Variants in CLSTN3 observed in about 807,000 individuals in gnomAD.
CLSTN3 encodes calsyntenin-3.
CLSTN3 carries 36 observed loss-of-function variants against 95.9 expected under a neutral mutation model. That is an observed-to-expected ratio of 0.38 (90% CI 0.29 to 0.50). The LOEUF is 0.50. CLSTN3 is among the 20% of genes least tolerant of loss of function. CLSTN3 has a pLI of 0.95. For missense variants in CLSTN3, 1,084 were observed against 1,268.8 expected (o/e 0.85, Z 2.21); for synonymous variants, 481 against 504.0 (o/e 0.95, Z 0.61).
chr12:7,140,139 C>T (rs1292861491), intron 8 of CLSTN3, among the ~76,000 whole-genome samples: 1 of 152,140 alleles, frequency 6.6e-6, no homozygotes, highest in Non-Finnish European at 1.5e-5. Context: ...CTGGGATCAA[C>T]AGCACCTGCT....
chr12:7,143,443 G>GTCTCCATTT, intron 12 of CLSTN3, 132 bp downstream of exon 12: 1 of 981,226 alleles, frequency 1.0e-6, no homozygotes, highest in Non-Finnish European at 1.5e-6. Context: ...GCCCTCAAAT[G>GTCTCCATTT]GAGACAATTG....
chr12:7,150,742 G>C lies in CLSTN3; in HGVS notation c.2391+53G>C. ...AGTTACCCACCCCCAGAAAGGAGCT[G>C]AGGTGGCATGGACTCAAAATGTTAG... is the stretch of plus-strand genomic sequence containing the variant. On this transcript the variant is annotated intron_variant, in intron 15 of 17. Coordinates refer to ENST00000266546, the MANE Select transcript of CLSTN3 (RefSeq NM_014718.4). The surrounding 1 kb of genome is among the most constrained non-coding windows in gnomAD (Gnocchi z 4.0). 4 of 1,597,312 alleles carry C rather than the reference G, an allele frequency of 2.5e-6. No homozygotes were observed. The highest frequency in any genetic ancestry group is 2.6e-6 in the Non-Finnish European group (3 of 1,167,062).
In CLSTN3 at chr12:7,137,049, C is replaced by T. The variant is rs761139498; in HGVS notation, c.1149C>T (p.Gly383=). ...HFTLSFWMKH[G]VTPNKGKKEE... is the part of the protein sequence containing the mutation. ...CCCTGTCCTTCTGGATGAAGCATGG[C>T]GTAACTCCCAACAAGGGCAAGAAGG... Residue 383 remains glycine (G), a synonymous_variant, in exon 7 of 18, where the codon GGC becomes GGT. Coordinates refer to ENST00000266546, the MANE Select transcript of CLSTN3 (RefSeq NM_014718.4). The surrounding 1 kb of genome is among the most constrained non-coding windows in gnomAD (Gnocchi z 4.4). 9.3e-6 allele frequency: 15 copies of T among 1,613,996 alleles called. No individual in the cohort carries two copies. The highest frequency in any genetic ancestry group is 2.7e-5 in the African/African-American group (2 of 74,928).
chr12:7,154,248 T>C (rs1035005208), intron 16 of CLSTN3, among the ~76,000 whole-genome samples: 2 of 152,188 alleles, frequency 1.3e-5, no homozygotes, highest in Non-Finnish European at 2.9e-5. Context: ...GGTTTCACAA[T>C]ATCAAACCAT....
At chr12:7,148,323 C>T (rs943912393) in intron 12 of CLSTN3, among the ~76,000 whole-genome samples, 1 of 152,186 alleles carries the variant, frequency 6.6e-6, no homozygotes, top group African/African-American at 2.4e-5. Context: ...TGCTGAGCAG[C>T]TGTGCTGTTG....
intron 3 of CLSTN3, 131 bp from the exon 4 acceptor site, chr12:7,135,196 G>A (rs758958090): frequency 2.2e-5 from 18 of 820,832 alleles, no homozygotes; most frequent in East Asian, 1.3e-4. Flanking sequence ...TCCATGTGCC[G>A]TATCAAGGCT....
intron 12 of CLSTN3, among the ~76,000 whole-genome samples, chr12:7,145,346 GGT>G (rs4013711): frequency 0.84 from 125,143 of 148,496 alleles, 53,530 homozygotes; most frequent in Non-Finnish European, 0.91. Context: ...AATATAGAGG[GGT>G]GTGTGTGTGT....
Position 7,137,228 on chromosome 12 carries a change from C to A in CLSTN3, c.1210+118C>A. On this transcript the variant is annotated intron_variant, in intron 7 of 17. Coordinates refer to ENST00000266546, the MANE Select transcript of CLSTN3 (RefSeq NM_014718.4). This position sits in a 1 kb window ranked among gnomAD's most constrained non-coding sequence, Gnocchi z 4.4. ...TTCCCCTCTCTTCATTTGTGAGGTG[C>A]AAGTGCCAGGTGTGATATGCCTTGA... 1 of 1,023,492 alleles carries A rather than the reference C, an allele frequency of 9.8e-7. No homozygotes were observed. Among genetic ancestry groups the A allele is most frequent in the Non-Finnish European group, 1.4e-6 (1 of 712,122 alleles). The allele number at this position is 1,023,492 out of a possible 1,614,324, so 63.4% of individuals were successfully genotyped here. A position where few individuals can be genotyped will look rare whatever the true frequency, so the allele number is the denominator to read the frequency against.
Position 7,137,392 on chromosome 12 carries a change from C to G in CLSTN3, c.1210+282C>G, listed in dbSNP as rs1311968279. 1 of 423,104 alleles carries G rather than the reference C, an allele frequency of 2.4e-6. No homozygotes were observed. Among genetic ancestry groups the G allele is most frequent in the East Asian group, 4.3e-5 (1 of 23,430 alleles). 26.2% of individuals were successfully genotyped at this position (423,104 alleles called of 1,614,324 possible). A position where few individuals can be genotyped will look rare whatever the true frequency, so the allele number is the denominator to read the frequency against. Reference sequence around the variant, plus strand: ...CCATGTGGTAGGCTGTCCCCACCCCCCATCTCCACCTCCATTAAAGCCCCT... The same window carrying G: ...CCATGTGGTAGGCTGTCCCCACCCCGCATCTCCACCTCCATTAAAGCCCCT... On this transcript the variant is annotated intron_variant, in intron 7 of 17. Coordinates refer to ENST00000266546, the MANE Select transcript of CLSTN3 (RefSeq NM_014718.4). The surrounding 1 kb of genome is among the most constrained non-coding windows in gnomAD (Gnocchi z 4.4).
intron 12 of CLSTN3, among the ~76,000 whole-genome samples, chr12:7,145,321 G>A (rs1159353337): frequency 1.3e-5 from 2 of 148,966 alleles, no homozygotes; most frequent in African/African-American, 5.0e-5. Flanking sequence ...ATACTTCCCT[G>A]AGGTCACGGG....
At chr12:7,136,708 A>G in intron 6 of CLSTN3, 121 bp from the exon 7 acceptor site, 1 of 1,115,326 alleles carries the variant, frequency 9.0e-7, no homozygotes, top group Non-Finnish European at 1.3e-6. Context: ...AAGGCCATAA[A>G]AGGTGGCAAG....
chr12:7,152,617 C>T (rs920066449), intron 16 of CLSTN3, among the ~76,000 whole-genome samples: 1 of 152,146 alleles, frequency 6.6e-6, no homozygotes, highest in East Asian at 1.9e-4. Flanking sequence ...TGTGAAAGTA[C>T]AGAACTTATT....
chr12:7,148,184 GAAAGAAAGAA>G (rs1939657931), intron 12 of CLSTN3, among the ~76,000 whole-genome samples: 1 of 122,154 alleles, frequency 8.2e-6, no homozygotes, highest in African/African-American at 3.4e-5. Context: ...AAGAAAGAAA[GAAAGAAAGAA>G]AGAAAGAAAG....
In CLSTN3 at chr12:7,157,860, G is replaced by A. The variant is rs779152318; in HGVS notation, c.2731-81G>A. 23 of 1,529,124 alleles carry A rather than the reference G, an allele frequency of 1.5e-5. No homozygotes were observed. The highest frequency in any genetic ancestry group is 6.9e-5 in the African/African-American group (5 of 72,718). The allele number at this position is 1,529,124 out of a possible 1,614,324, so 94.7% of individuals were successfully genotyped here. On this transcript the variant is annotated intron_variant, in intron 17 of 17. Coordinates refer to ENST00000266546, the MANE Select transcript of CLSTN3 (RefSeq NM_014718.4). This position sits in a 1 kb window ranked among gnomAD's most constrained non-coding sequence, Gnocchi z 5.9. ...GGGGTACACAGGGGTTAAGGGGACC[G>A]AGGGAAGTGTGGTCCCTGAAAGAGA...
At chr12:7,148,156 A>AAAAGAAAG (rs55677407) in intron 12 of CLSTN3, among the ~76,000 whole-genome samples, 8,768 of 135,358 alleles carry the variant, frequency 0.065, 370 homozygotes, top group Admixed American at 0.092. Flanking sequence ...AACTCCATCA[A>AAAAGAAAG]AAAGAAAGAA....
At chr12:7,134,320 G>A (rs982352791) in intron 3 of CLSTN3, among the ~76,000 whole-genome samples, 4 of 152,234 alleles carry the variant, frequency 2.6e-5, no homozygotes, top group Non-Finnish European at 5.9e-5. Context: ...GGCAGGCGAT[G>A]GTTGTAGCAA....
In CLSTN3 at chr12:7,141,222, C is replaced by G. The variant is rs1413019695; in HGVS notation, c.1324-20C>G. On this transcript the variant is annotated intron_variant, in intron 8 of 17. Transcript: ENST00000266546. The surrounding 1 kb of genome is among the most constrained non-coding windows in gnomAD (Gnocchi z 4.1). ...AGACGAATTACCTGAGAGGCTCTTG[C>G]CCCTACCCTACTCTCCCAGGTCTGT... 4 of 1,610,624 alleles carry G rather than the reference C, an allele frequency of 2.5e-6. No homozygotes were observed. The highest frequency in any genetic ancestry group is 3.4e-6 in the Non-Finnish European group (4 of 1,178,014).
chr12:7,158,106 G>C lies in CLSTN3; in HGVS notation c.*25G>C. 6.8e-7 allele frequency: 1 copy of C among 1,480,496 alleles called. No homozygotes were observed. The highest frequency in any genetic ancestry group is 1.4e-5 in the South Asian group (1 of 73,242). 91.7% of individuals were successfully genotyped at this position (1,480,496 alleles called of 1,614,324 possible). A position where few individuals can be genotyped will look rare whatever the true frequency, so the allele number is the denominator to read the frequency against. ...AGGCCTACACCTCTCCCCACGCAGA[G>C]GGGGAATTCTGCCCTGGTGAAACAG... On this transcript the variant is annotated 3_prime_UTR_variant, in exon 18 of 18. Transcript: ENST00000266546.
rs374532645 is a variant in CLSTN3 at position 7,130,654 on chromosome 12, C to T, written c.6C>T (p.Thr2=). Residue 2 remains threonine (T), a synonymous_variant, in exon 1 of 18, where the codon ACC becomes ACT. Transcript: ENST00000266546. ...GCCCTGCCCCACGCCGCACCATGAC[C>T]CTCCTGCTGCTGCCCCTTCTGCTGG... M[T]LLLLPLLLAS... is the part of the protein sequence containing the mutation. The T allele has an allele frequency of 1.1e-5, 18 of 1,570,080 alleles. No homozygotes were observed. Among genetic ancestry groups the T allele is most frequent in the African/African-American group, 4.0e-5 (3 of 74,080 alleles).
Sources: gnomAD v4.1 joint callset for allele counts (sites outside exome capture counted in the v4.1 genomes callset) on GRCh38, gnomAD v4.1.1 for gene constraint, Gnocchi (gnomAD v3.1) non-coding constraint, MANE v1.5 for transcripts, NCBI Gene and HGNC (gene_info 2026-07-23, HGNC 2026-07-21) for gene names.